CFAP61: variants seen among roughly 807,000 people sequenced by gnomAD.
The protein encoded by CFAP61 is cilia- and flagella-associated protein 61.
A neutral mutation model predicts 135.6 loss-of-function variants in CFAP61; 107 were observed. The observed-to-expected ratio is 0.79, with a 90% CI of 0.67 to 0.93. The LOEUF is 0.93. CFAP61 is among the 40% of genes least tolerant of loss of function. CFAP61 has a pLI of 0.00. For missense variants in CFAP61, 1,507 were observed against 1,556.2 expected, an observed-to-expected ratio of 0.97 and a Z score of 0.53; for synonymous variants, 575 against 578.5, an observed-to-expected ratio of 0.99 and a Z score of 0.09.
intron 6 of CFAP61, among the ~76,000 whole-genome samples, chr20:20,090,143 T>C (rs1158680898): frequency 2.0e-5 from 3 of 152,122 alleles, no homozygotes; most frequent in Non-Finnish European, 4.4e-5. Flanking sequence ...CTTTGGCCCA[T>C]GACAAGTGCT....
chr20:20,164,296 T>A, intron 11 of CFAP61, 68 bp downstream of exon 11: 1 of 1,481,008 alleles, frequency 6.8e-7, no homozygotes, highest in Non-Finnish European at 9.2e-7. Flanking sequence ...CCCAACATTT[T>A]AACTTTACAG....
intron 11 of CFAP61, among the ~76,000 whole-genome samples, 166 bp from the exon 12 acceptor site, chr20:20,166,231 C>T (rs6046679): frequency 0.9 from 136,974 of 152,260 alleles, 62,430 homozygotes; most frequent in Middle Eastern, 0.99. Context: ...TACTGACATA[C>T]GAAGCTTGCG....
At chr20:20,190,878 G>A (rs1200226400) in intron 14 of CFAP61, among the ~76,000 whole-genome samples, 4 of 152,048 alleles carry the variant, frequency 2.6e-5, no homozygotes, top group Non-Finnish European at 2.9e-5. Context: ...TAGCACTCTG[G>A]GAGCCCAAGG....
Position 20,290,325 on chromosome 20 carries a change from T to C in CFAP61, c.3150T>C (p.His1050=), listed in dbSNP as rs141409012. Residue 1050 remains histidine (H), a synonymous_variant, in exon 24 of 27, where the codon CAT becomes CAC. Coordinates refer to ENST00000245957, the MANE Select transcript of CFAP61 (RefSeq NM_015585.4). ...GGGGCATTCTTCCTGGGTCTTACCA[T>C]TATCTGCATATTGCCAAGCCTGCCA... ...IQGGILPGSY[H]YLHIAKPAIP... 37 of 1,613,364 alleles carry C rather than the reference T, an allele frequency of 2.3e-5. No homozygotes were observed. The Middle Eastern group carries it at 6.6e-4, about 29-fold the overall frequency.
intron 8 of CFAP61, among the ~76,000 whole-genome samples, chr20:20,118,290 TTTC>T (rs1278850875): frequency 1.2e-4 from 15 of 122,728 alleles, no homozygotes; most frequent in South Asian, 2.8e-4. Flanking sequence ...TCTTTCTTTC[TTTC>T]TTTCTTTCTT....
chr20:20,200,674 T>A (rs2056569123), intron 17 of CFAP61: 1 of 984,950 alleles, frequency 1.0e-6, no homozygotes, highest in South Asian at 4.7e-5. Flanking sequence ...ACATTTGTCC[T>A]TTGTGAGACA....
At chr20:20,223,797 C>CA (rs2146939609) in intron 17 of CFAP61, among the ~76,000 whole-genome samples, 1 of 152,274 alleles carries the variant, frequency 6.6e-6, no homozygotes, top group Admixed American at 6.5e-5. Context: ...GTTCTCTTGA[C>CA]AAATGTATCT....
intron 24 of CFAP61, among the ~76,000 whole-genome samples, chr20:20,296,029 T>G (rs1267111048): frequency 1.6e-4 from 11 of 67,406 alleles, no homozygotes; most frequent in Admixed American, 2.9e-4. Flanking sequence ...CTTCCTTCTT[T>G]CTTTTCTTCC....
intron 24 of CFAP61, among the ~76,000 whole-genome samples, chr20:20,290,604 C>A (rs1192397984): frequency 6.6e-6 from 1 of 152,212 alleles, no homozygotes; most frequent in East Asian, 1.9e-4. Context: ...TAGGGCTGAC[C>A]TGTGTAGCCA....
chr20:20,245,936 G>A (rs936427517), intron 18 of CFAP61, among the ~76,000 whole-genome samples, 181 bp from the exon 19 acceptor site: 11 of 152,240 alleles, frequency 7.2e-5, no homozygotes, highest in South Asian at 6.2e-4. Flanking sequence ...CAGCTCCAGC[G>A]CCATCTTCCT....
intron 26 of CFAP61, among the ~76,000 whole-genome samples, chr20:20,352,200 G>A (rs2058860695): frequency 6.6e-6 from 1 of 152,130 alleles, no homozygotes; most frequent in Non-Finnish European, 1.5e-5. Flanking sequence ...CATGAGAAGA[G>A]CAAAGGAGGA....
chr20:20,205,492 A>G (rs911955285), intron 17 of CFAP61, among the ~76,000 whole-genome samples: 2 of 152,232 alleles, frequency 1.3e-5, no homozygotes, highest in Non-Finnish European at 2.9e-5. Context: ...TCATGATAGG[A>G]AAACCAAACT....
chr20:20,108,815 A>G (rs2048591288), intron 8 of CFAP61, among the ~76,000 whole-genome samples: 1 of 152,224 alleles, frequency 6.6e-6, no homozygotes, highest in South Asian at 2.1e-4. Flanking sequence ...ATTTGCTATA[A>G]AGAGGGACAT....
At chr20:20,273,409 A>G (rs1408497798) in intron 21 of CFAP61, among the ~76,000 whole-genome samples, 1 of 152,218 alleles carries the variant, frequency 6.6e-6, no homozygotes, top group African/African-American at 2.4e-5. Context: ...TCTCAGGTGT[A>G]TAGCCCATTC....
At chr20:20,306,520 G>A (rs1415683246) in intron 25 of CFAP61, among the ~76,000 whole-genome samples, 5 of 152,122 alleles carry the variant, frequency 3.3e-5, no homozygotes, top group African/African-American at 1.2e-4. Context: ...AGAAACATGA[G>A]TATCCCCCTC....
chr20:20,107,275 T>A (rs1437974356), intron 8 of CFAP61, among the ~76,000 whole-genome samples: 1 of 152,220 alleles, frequency 6.6e-6, no homozygotes, highest in Non-Finnish European at 1.5e-5. Flanking sequence ...AAGCTCAACA[T>A]GAAGCCAGTT....
chr20:20,283,972 C>T (rs916101236), intron 22 of CFAP61, among the ~76,000 whole-genome samples: 5 of 152,242 alleles, frequency 3.3e-5, no homozygotes, highest in Non-Finnish European at 5.9e-5. Context: ...CATCACCTTA[C>T]ACATTCACAG....
At chr20:20,319,522 G>C (rs531712175) in intron 25 of CFAP61, among the ~76,000 whole-genome samples, 3 of 152,286 alleles carry the variant, frequency 2.0e-5, no homozygotes, top group African/African-American at 7.2e-5. Flanking sequence ...TTGTTTAAAA[G>C]TGCGTAGCAC....
At chr20:20,265,651 A>G in intron 21 of CFAP61, 1 of 637,998 alleles carries the variant, frequency 1.6e-6, no homozygotes, top group Non-Finnish European at 2.8e-6. Context: ...CTGGTGCTTA[A>G]TGACTCCCCC....
Sources: allele counts gnomAD v4.1 joint callset (sites outside exome capture counted in the v4.1 genomes callset), GRCh38; gene constraint gnomAD v4.1.1; transcripts MANE v1.5; gene names NCBI Gene and HGNC (gene_info 2026-07-23, HGNC 2026-07-21).